ADGRA1: variants seen among roughly 807,000 people sequenced by gnomAD.
The protein encoded by ADGRA1 is adhesion G protein-coupled receptor A1, also known as G-protein coupled receptor 123.
A neutral mutation model predicts 21.3 loss-of-function variants in ADGRA1; 12 were observed. That is an observed-to-expected ratio of 0.56 (90% CI 0.36 to 0.91). The LOEUF (loss-of-function observed/expected upper bound fraction) is 0.91, where lower values mean the gene tolerates loss of function less well. ADGRA1 is among the 40% of genes least tolerant of loss of function. ADGRA1 has a pLI of 0.01. For missense variants in ADGRA1, 790 were observed against 805.6 expected (o/e 0.98, Z 0.23); for synonymous variants, 385 against 368.8 (o/e 1.04, Z -0.50).
At chr10:133,095,728 C>A in intron 2 of ADGRA1, 1 of 1,598,280 alleles carries the variant, frequency 6.3e-7, no homozygotes. Flanking sequence ...AGTGTGGCCT[C>A]AGGAGGGAAG....
At chr10:133,097,566 G>T (rs889798689) in intron 3 of ADGRA1, among the ~76,000 whole-genome samples, 1 of 152,170 alleles carries the variant, frequency 6.6e-6, no homozygotes, top group Non-Finnish European at 1.5e-5. Context: ...GGCCAAGGTC[G>T]CCTCGGTCAC....
chr10:133,090,159 C>T (rs1591163662), intron 2 of ADGRA1, among the ~76,000 whole-genome samples: 1 of 152,386 alleles, frequency 6.6e-6, no homozygotes, highest in African/African-American at 2.4e-5. Context: ...CTCTCATCCC[C>T]TTCCTCGCCT....
At chr10:133,099,197 A>T (rs531198883) in intron 4 of ADGRA1, among the ~76,000 whole-genome samples, 4 of 145,878 alleles carry the variant, frequency 2.7e-5, no homozygotes, top group East Asian at 3.9e-4. Context: ...TCCCGGAGAA[A>T]GTGCTGGGGG....
intron 5 of ADGRA1, among the ~76,000 whole-genome samples, chr10:133,108,325 C>T (rs1019047317): frequency 2.0e-5 from 3 of 152,240 alleles, no homozygotes; most frequent in Admixed American, 6.5e-5. Context: ...GTGTCACCCT[C>T]AGCCTTGTAG....
rs1219997100 is a variant in ADGRA1 at position 133,088,715 on chromosome 10, C to T, written c.-195C>T. On this transcript the variant is annotated 5_prime_UTR_variant, in exon 2 of 7. Coordinates refer to ENST00000392607, the MANE Select transcript of ADGRA1 (RefSeq NM_001083909.3). The stretch of plus-strand genomic sequence containing the variant: ...CCGCCGCTGTCTTCACAGATGGGAG[C>T]AGCTCCCGGACTGCGCCCGCCCCGC... 5 of 1,229,130 alleles carry T rather than the reference C, an allele frequency of 4.1e-6. No homozygotes were observed. Among genetic ancestry groups the T allele is most frequent in the Non-Finnish European group, 5.1e-6 (5 of 986,790 alleles). 76.1% of individuals were successfully genotyped at this position (1,229,130 alleles called of 1,614,324 possible).
chr10:133,122,418 G>A (rs1033359096), intron 5 of ADGRA1, among the ~76,000 whole-genome samples: 19 of 152,218 alleles, frequency 1.2e-4, no homozygotes, highest in South Asian at 2.1e-4. Flanking sequence ...TCACAGAGCC[G>A]GCAGCACTCA....
At chr10:133,102,098 A>C in intron 4 of ADGRA1, 1 of 408,536 alleles carries the variant, frequency 2.4e-6, no homozygotes, top group Non-Finnish European at 5.0e-6. Flanking sequence ...CCTCGTAATA[A>C]GCAAACGCAG....
chr10:133,113,230 G>C (rs903717540), intron 5 of ADGRA1, among the ~76,000 whole-genome samples: 1 of 152,090 alleles, frequency 6.6e-6, no homozygotes, highest in African/African-American at 2.4e-5. Context: ...GGCCGCGTCA[G>C]TTATTTGAGG....
chr10:133,087,935 G>A lies in ADGRA1; in HGVS notation c.-406G>A, dbSNP rs560265347. 1.0e-6 allele frequency: 1 copy of A among 985,020 alleles called. No homozygotes were observed. Among genetic ancestry groups the A allele is most frequent in the Non-Finnish European group, 1.2e-6 (1 of 829,826 alleles). 61.0% of individuals were successfully genotyped at this position (985,020 alleles called of 1,614,324 possible). ...CGCGGGAGGTGCGCGCAGAGGCGGC[G>A]GCGCTGCTGGCCGGGCTGGGCCGCT... On this transcript the variant is annotated 5_prime_UTR_variant, in exon 1 of 7. Transcript: ENST00000392607.
chr10:133,125,524 C>A (rs186071855), intron 5 of ADGRA1, among the ~76,000 whole-genome samples: 6 of 152,104 alleles, frequency 3.9e-5, no homozygotes, highest in Non-Finnish European at 8.8e-5. Flanking sequence ...CCTGGGTTCA[C>A]GCCATTCTCC....
intron 2 of ADGRA1, among the ~76,000 whole-genome samples, chr10:133,094,719 T>C (rs1851659164): frequency 1.3e-5 from 2 of 152,148 alleles, no homozygotes; most frequent in Admixed American, 1.3e-4. Flanking sequence ...TCGTCGGAAC[T>C]GTGTAGAGCG....
At chr10:133,092,104 C>A (rs1285060424) in intron 2 of ADGRA1, among the ~76,000 whole-genome samples, 4 of 152,206 alleles carry the variant, frequency 2.6e-5, no homozygotes, top group Non-Finnish European at 5.9e-5. Flanking sequence ...CAAATTTTAC[C>A]CCTTGGCCTC....
At position 133,128,340 on chromosome 10, in the gene ADGRA1, C is replaced by T. The variant is rs765175986; in HGVS notation, c.512C>T (p.Ala171Val). The change falls in exon 7 of 7, where the codon GCC becomes GTC. Residue 171 changes from alanine to valine, a missense_variant. Coordinates refer to ENST00000392607, the MANE Select transcript of ADGRA1 (RefSeq NM_001083909.3). ...EDEDTAYCWMAWEPSLGAFYG... is the reference protein window; with the variant it reads ...EDEDTAYCWMVWEPSLGAFYG... The stretch of plus-strand genomic sequence containing the variant: ...GCGTCTCCCCACAGCTGCTGGATGG[C>T]CTGGGAGCCCAGCCTGGGCGCCTTC... 1.3e-6 allele frequency: 2 copies of T among 1,549,546 alleles called. No individual in the cohort carries two copies. The highest frequency in any genetic ancestry group is 1.7e-6 in the Non-Finnish European group (2 of 1,150,022).
At chr10:133,105,930 A>G (rs1470453455) in intron 5 of ADGRA1, among the ~76,000 whole-genome samples, 1 of 152,116 alleles carries the variant, frequency 6.6e-6, no homozygotes, top group Non-Finnish European at 1.5e-5. Flanking sequence ...TACTAGGACA[A>G]CCCAAGCCTG....
intron 5 of ADGRA1, among the ~76,000 whole-genome samples, chr10:133,122,234 T>C (rs903901152): frequency 6.6e-6 from 1 of 152,216 alleles, no homozygotes; most frequent in Admixed American, 6.5e-5. Context: ...TCGCTCAGGC[T>C]GTGATGGTGC....
At chr10:133,092,174 C>T (rs1054479340) in intron 2 of ADGRA1, among the ~76,000 whole-genome samples, 4 of 152,240 alleles carry the variant, frequency 2.6e-5, no homozygotes, top group Admixed American at 6.5e-5. Flanking sequence ...TCTCACAGGG[C>T]GTAAGGATGG....
intron 2 of ADGRA1, among the ~76,000 whole-genome samples, chr10:133,092,743 TAGGGAGGG>T (rs767516089): frequency 1.8e-4 from 20 of 110,668 alleles, no homozygotes; most frequent in African/African-American, 6.4e-4. Flanking sequence ...GAAGGAGAAA[TAGGGAGGG>T]AGGAAGGAAG....
chr10:133,122,346 C>T (rs1852285883), intron 5 of ADGRA1, among the ~76,000 whole-genome samples: 1 of 152,206 alleles, frequency 6.6e-6, no homozygotes, highest in East Asian at 1.9e-4. Flanking sequence ...TCCCCGTGTC[C>T]CAGCGTGTGC....
At chr10:133,124,346 G>A (rs1280995045) in intron 5 of ADGRA1, among the ~76,000 whole-genome samples, 3 of 152,160 alleles carry the variant, frequency 2.0e-5, no homozygotes, top group Admixed American at 6.5e-5. Context: ...TTGCCCCTCC[G>A]GACACCTCTG....
Sources: allele counts gnomAD v4.1 joint callset (sites outside exome capture counted in the v4.1 genomes callset), GRCh38; gene constraint gnomAD v4.1.1; transcripts MANE v1.5; gene names NCBI Gene and HGNC (gene_info 2026-07-23, HGNC 2026-07-21).